Variants in EIF3B observed in about 807,000 individuals in gnomAD.
EIF3B encodes the protein eukaryotic translation initiation factor 3 subunit 9.
Under a neutral mutation model 104.6 loss-of-function variants are expected in EIF3B, and 10 were observed. The ratio of observed to expected loss-of-function variants is 0.10; its 90% CI spans 0.06 to 0.16. The LOEUF is 0.16. EIF3B is among the 10% of genes least tolerant of loss of function. EIF3B has a pLI of 1.00. For synonymous variants in EIF3B, 542 were observed against 417.2 expected, an observed-to-expected ratio of 1.30 and a Z score of -3.65; for missense variants, 1,014 against 1,087.9, an observed-to-expected ratio of 0.93 and a Z score of 0.96.
intron 8 of EIF3B, 125 bp downstream of exon 8, chr7:2,366,716 C>A: frequency 9.0e-7 from 1 of 1,115,966 alleles, no homozygotes; most frequent in Non-Finnish European, 1.3e-6. Flanking sequence ...AAAGGCCTGT[C>A]TCCTGTGCCT....
At chr7:2,354,790 C>T, upstream of EIF3B, 1 of 920,442 alleles carries the variant, frequency 1.1e-6, no homozygotes, top group Non-Finnish European at 1.3e-6. Context: ...GCGCCCCCCG[C>T]CCCGCGGCCT....
chr7:2,369,907 G>A (rs1303684890), intron 10 of EIF3B, among the ~76,000 whole-genome samples: 1 of 150,502 alleles, frequency 6.6e-6, no homozygotes, highest in Non-Finnish European at 1.5e-5. Context: ...TTCCCAAGTA[G>A]CTGGGACTAT....
intron 15 of EIF3B, chr7:2,378,009 T>A (rs868757354): frequency 0.016 from 354 of 22,052 alleles, 45 homozygotes; most frequent in Admixed American, 0.027. Flanking sequence ...TCTCCTGGGA[T>A]GCTGTGTTCT....
chr7:2,355,021 C>T lies in EIF3B; in HGVS notation c.100C>T (p.Leu34=), dbSNP rs1779314596. Residue 34 remains leucine (L), a synonymous_variant, in exon 1 of 19, where the codon CTG becomes TTG. Transcript: ENST00000360876. The stretch of plus-strand genomic sequence containing the variant: ...CGCCGAGCCGCCGCCAGCCGAGGGG[C>T]TGCTGCGGCCCGCGGGGCCCGGCGC... The part of the protein sequence containing the change: ...PAAEPPPAEG[L]LRPAGPGAPE... The T allele has an allele frequency of 8.4e-7, 1 of 1,184,744 alleles. No individual in the cohort carries two copies. The allele number at this position is 1,184,744 out of a possible 1,614,324, so 73.4% of individuals were successfully genotyped here. A position where few individuals can be genotyped will look rare whatever the true frequency, so the allele number is the denominator to read the frequency against.
In EIF3B at chr7:2,372,897, G is replaced by A. The variant is rs566525439; in HGVS notation, c.1810+102G>A. Reference sequence around the variant, plus strand: ...TTTGACTGGCCTAGGACCACTGCTGGGCAGGCCGGGACTCGCCTATGAATG... The same window carrying A: ...TTTGACTGGCCTAGGACCACTGCTGAGCAGGCCGGGACTCGCCTATGAATG... On this transcript the variant is annotated intron_variant, in intron 12 of 18. Coordinates refer to ENST00000360876, the MANE Select transcript of EIF3B (RefSeq NM_001037283.2). The A allele has an allele frequency of 3.7e-6, 5 of 1,362,208 alleles. No homozygotes were observed. The South Asian group carries it at 8.0e-5, about 22-fold the overall frequency. The allele number at this position is 1,362,208 out of a possible 1,614,324, so 84.4% of individuals were successfully genotyped here.
Position 2,355,023 on chromosome 7 carries a change from G to A in EIF3B, c.102G>A (p.Leu34=), listed in dbSNP as rs1008223868. ...CCGAGCCGCCGCCAGCCGAGGGGCT[G>A]CTGCGGCCCGCGGGGCCCGGCGCTC... ...PAAEPPPAEG[L]LRPAGPGAPE... is the part of the protein sequence containing the mutation. Residue 34 remains leucine, a synonymous_variant, in exon 1 of 19, where the codon CTG becomes CTA. Coordinates refer to ENST00000360876, the MANE Select transcript of EIF3B (RefSeq NM_001037283.2). The A allele has an allele frequency of 1.9e-5, 22 of 1,186,970 alleles. No individual in the cohort carries two copies. In the South Asian group the frequency reaches 8.3e-4, roughly 45 times the overall value. The allele number at this position is 1,186,970 out of a possible 1,614,324, so 73.5% of individuals were successfully genotyped here. A position where few individuals can be genotyped will look rare whatever the true frequency, so the allele number is the denominator to read the frequency against.
In EIF3B at chr7:2,372,729, G is replaced by A. The variant is rs144505700; in HGVS notation, c.1744G>A (p.Gly582Arg). The A allele has an allele frequency of 3.7e-6, 6 of 1,614,050 alleles. No homozygotes were observed. In the African/African-American group the frequency reaches 4.0e-5, roughly 11 times the overall value. The change falls in exon 12 of 19, where the codon GGA (glycine) becomes AGA (arginine). Residue 582 changes from glycine to arginine, a missense_variant. Around this residue, in one of 4 missense-constraint regions of EIF3B, gnomAD observed 266 missense variants for 324.0 expected, o/e 0.82. Coordinates refer to ENST00000360876, the MANE Select transcript of EIF3B (RefSeq NM_001037283.2). ...PNGSKFAVLH[G>R]EAPRISVSFY... Reference sequence around the variant, plus strand: ...TGGAAGTAAGTTTGCTGTGCTGCACGGAGAGGCTCCGCGGATATCTGTGTC... The same window carrying A: ...TGGAAGTAAGTTTGCTGTGCTGCACAGAGAGGCTCCGCGGATATCTGTGTC...
chr7:2,369,422 T>G, intron 9 of EIF3B, 50 bp from the exon 10 acceptor site: 1 of 1,581,934 alleles, frequency 6.3e-7, no homozygotes, highest in South Asian at 1.1e-5. Context: ...GCTTTTCAGT[T>G]TCGTCATCAC....
chr7:2,362,553 G>T (rs961579706), intron 2 of EIF3B, 92 bp from the exon 3 acceptor site: 3 of 1,524,110 alleles, frequency 2.0e-6, no homozygotes, highest in African/African-American at 2.7e-5. Flanking sequence ...TCCTGGCACC[G>T]AGGGCTTGTC....
At chr7:2,377,723 T>A (rs372905411) in intron 15 of EIF3B, 1,275 of 62,916 alleles carry the variant, frequency 0.02, 6 homozygotes, top group African/African-American at 0.022. Flanking sequence ...CTGGGTGTCA[T>A]GGAGGAAGGA....
intron 1 of EIF3B, among the ~76,000 whole-genome samples, chr7:2,359,210 C>A (rs1033949715): frequency 6.6e-6 from 1 of 152,182 alleles, no homozygotes; most frequent in Non-Finnish European, 1.5e-5. Flanking sequence ...TGGCACTCAG[C>A]GTCTAAACCC....
At chr7:2,362,396 G>C (rs922620342) in intron 2 of EIF3B, among the ~76,000 whole-genome samples, 3 of 152,192 alleles carry the variant, frequency 2.0e-5, no homozygotes, top group Non-Finnish European at 4.4e-5. Flanking sequence ...TGGACGTTTT[G>C]ATTAACTTTT....
chr7:2,364,231 C>T (rs1305090602), intron 5 of EIF3B, 141 bp from the exon 6 acceptor site: 14 of 754,020 alleles, frequency 1.9e-5, no homozygotes, highest in African/African-American at 9.1e-5. Flanking sequence ...CACTGCACTC[C>T]AGCCTGGGAG....
At chr7:2,360,298 A>G (rs901383934) in intron 1 of EIF3B, among the ~76,000 whole-genome samples, 1 of 152,224 alleles carries the variant, frequency 6.6e-6, no homozygotes, top group Non-Finnish European at 1.5e-5. Context: ...GTCAGTTTTC[A>G]TTGACATTGG....
Position 2,355,040 on chromosome 7 carries a change from C to T in EIF3B, c.119C>T (p.Pro40Leu), listed in dbSNP as rs1779316173. 2.5e-6 allele frequency: 3 copies of T among 1,204,928 alleles called. No individual in the cohort carries two copies. Among genetic ancestry groups the T allele is most frequent in the Admixed American group, 4.4e-5 (1 of 22,508 alleles). 74.6% of individuals were successfully genotyped at this position (1,204,928 alleles called of 1,614,324 possible). ...GAGGGGCTGCTGCGGCCCGCGGGGC[C>T]CGGCGCTCCGGAGGCCGCGGGGACC... ...PAEGLLRPAGPGAPEAAGTEA... is the reference protein window; with the variant it reads ...PAEGLLRPAGLGAPEAAGTEA... The change falls in exon 1 of 19, where the codon CCC (proline) becomes CTC (leucine). Residue 40 changes from proline to leucine, a missense_variant. Pro to Leu is a moderately conservative substitution (Grantham distance 98). This residue lies in a region of EIF3B where 488 missense variants were observed against 404.3 expected (regional missense o/e 1.21). Coordinates refer to ENST00000360876, the MANE Select transcript of EIF3B (RefSeq NM_001037283.2).
intron 5 of EIF3B, among the ~76,000 whole-genome samples, chr7:2,364,078 G>T (rs60498742): frequency 5.9e-5 from 9 of 152,084 alleles, no homozygotes; most frequent in Non-Finnish European, 1.0e-4. Flanking sequence ...TGGCTAACAC[G>T]GTGAAACCCC....
chr7:2,371,713 T>C, intron 10 of EIF3B, 64 bp from the exon 11 acceptor site: 1 of 1,274,274 alleles, frequency 7.8e-7, no homozygotes, highest in South Asian at 1.2e-5. Flanking sequence ...TGATCTTTGA[T>C]TTAAACCTTT....
chr7:2,377,155 T>C, intron 15 of EIF3B, 80 bp downstream of exon 15: 1 of 1,507,294 alleles, frequency 6.6e-7, no homozygotes. Context: ...TTTCTGTTAT[T>C]GTTAGGGTGG....
Position 2,375,379 on chromosome 7 carries a change from G to A in EIF3B, c.1890-10G>A, listed in dbSNP as rs772767644. Reference sequence around the variant, plus strand: ...TCCATGAAGCCTGACGGTCCTGTCTGTCTTTGCAGTATGAACGGTGCCTTA... The same window carrying A: ...TCCATGAAGCCTGACGGTCCTGTCTATCTTTGCAGTATGAACGGTGCCTTA... On this transcript the variant is annotated splice_polypyrimidine_tract_variant and intron_variant, in intron 13 of 18. Transcript: ENST00000360876. The A allele has an allele frequency of 1.9e-5, 30 of 1,613,912 alleles. 2 individuals are homozygous for A. In the South Asian group the frequency reaches 3.3e-4, roughly 18 times the overall value.
Sources: allele counts gnomAD v4.1 joint callset (sites outside exome capture counted in the v4.1 genomes callset), GRCh38; gene constraint gnomAD v4.1.1; regional missense constraint gnomAD v4.1.1; transcripts MANE v1.5; gene names NCBI Gene and HGNC (gene_info 2026-07-23, HGNC 2026-07-21).